The following HMGB1 variants were observed in gnomAD, a reference collection of about 807,000 sequenced individuals.
HMGB1 encodes high mobility group protein B1.
For synonymous variants in HMGB1, 81 were observed against 84.0 expected, an observed-to-expected ratio of 0.96 and a Z score of 0.19; for missense variants, 79 against 253.5, an observed-to-expected ratio of 0.31 and a Z score of 4.67.
intron 1 of HMGB1, among the ~76,000 whole-genome samples, chr13:30,573,819 T>A (rs1292476062): frequency 1.3e-5 from 2 of 152,030 alleles, no homozygotes; most frequent in Non-Finnish European, 2.9e-5. Flanking sequence ...TCCAGCTAAT[T>A]TTTTTGGTAT....
intron 1 of HMGB1, among the ~76,000 whole-genome samples, chr13:30,608,392 C>T (rs1164926565): frequency 1.3e-5 from 2 of 152,008 alleles, no homozygotes; most frequent in African/African-American, 2.4e-5. Flanking sequence ...CACAGCAACC[C>T]GATGCAAAGT....
At chr13:30,596,531 T>C (rs1871618438) in intron 1 of HMGB1, among the ~76,000 whole-genome samples, 1 of 152,148 alleles carries the variant, frequency 6.6e-6, no homozygotes, top group Non-Finnish European at 1.5e-5. Flanking sequence ...CTTAAGAAAG[T>C]GATTTATCAA....
intron 1 of HMGB1, among the ~76,000 whole-genome samples, chr13:30,572,663 C>T (rs1377436060): frequency 6.6e-6 from 1 of 152,188 alleles, no homozygotes; most frequent in Non-Finnish European, 1.5e-5. Flanking sequence ...TCCGTTGACC[C>T]TGGTGTAAGG....
At position 30,458,399 on chromosome 13, in the gene HMGB1, G is replaced by A. The variant is rs1338055545; in HGVS notation, c.*2958C>T. ...GGCTGGAGTGCAGTGGCACAATCTC[G>A]GCTCACTGCAACCTCCGCCTCCCGG... On this transcript the variant is annotated 3_prime_UTR_variant, in exon 5 of 5. Transcript: ENST00000341423. 1.4e-5 allele frequency: 2 copies of A among 143,774 alleles called. No homozygotes were observed. Among genetic ancestry groups the A allele is most frequent in the South Asian group, 2.2e-4 (1 of 4,638 alleles). The allele number at this position is 143,774 out of a possible 1,614,324, so 8.9% of individuals were successfully genotyped here.
chr13:30,535,166 C>T (rs1888584651), intron 1 of HMGB1, among the ~76,000 whole-genome samples: 1 of 152,190 alleles, frequency 6.6e-6, no homozygotes, highest in Non-Finnish European at 1.5e-5. Flanking sequence ...TCTCTTTCTG[C>T]CCTATCACAG....
At chr13:30,540,807 C>T (rs1001929688) in intron 1 of HMGB1, 3 of 152,106 alleles carry the variant, frequency 2.0e-5, no homozygotes, top group Admixed American at 6.6e-5. Flanking sequence ...TGGTCTCGAA[C>T]TCCCGACCTC....
In HMGB1 at chr13:30,460,036, AG is replaced by A. The variant is rs1251028694; in HGVS notation, c.*1320del. 2 of 152,616 alleles carry A rather than the reference AG, an allele frequency of 1.3e-5. No homozygotes were observed. Among genetic ancestry groups the A allele is most frequent in the Admixed American group, 6.5e-5 (1 of 15,282 alleles). 9.5% of individuals were successfully genotyped at this position (152,616 alleles called of 1,614,324 possible). A position where few individuals can be genotyped will look rare whatever the true frequency, so the allele number is the denominator to read the frequency against. On this transcript the variant is annotated 3_prime_UTR_variant, in exon 5 of 5. Transcript: ENST00000341423. ...GCTATTTTAAAATACTGGCACTTTAAGAAAACGATAATCTCGAAAACCACAA... is the reference window on the plus strand; with the variant it reads ...GCTATTTTAAAATACTGGCACTTTAAAAAACGATAATCTCGAAAACCACAA...
chr13:30,535,817 G>A (rs1407171153), intron 1 of HMGB1, among the ~76,000 whole-genome samples: 1 of 152,212 alleles, frequency 6.6e-6, no homozygotes, highest in Non-Finnish European at 1.5e-5. Flanking sequence ...TTGAACCCAG[G>A]AGGCAGAGGT....
chr13:30,548,950 C>T (rs558530665), intron 1 of HMGB1, among the ~76,000 whole-genome samples: 1 of 152,236 alleles, frequency 6.6e-6, no homozygotes, highest in Non-Finnish European at 1.5e-5. Flanking sequence ...GTGTGAGTTC[C>T]TTTGGGCTGC....
intron 1 of HMGB1, chr13:30,539,910 G>T: frequency 1.3e-5 from 2 of 155,816 alleles, no homozygotes; most frequent in South Asian, 3.5e-4. Context: ...ATTTCACGTT[G>T]AGTCTGTGGC....
At chr13:30,462,863 C>T in intron 3 of HMGB1, 151 bp from the exon 4 acceptor site, 1 of 671,150 alleles carries the variant, frequency 1.5e-6, no homozygotes, top group East Asian at 2.7e-5. Context: ...AAATATCCTT[C>T]ACAACCAAAG....
chr13:30,535,593 C>T (rs1215538057), intron 1 of HMGB1, among the ~76,000 whole-genome samples: 2 of 152,068 alleles, frequency 1.3e-5, no homozygotes, highest in Non-Finnish European at 2.9e-5. Flanking sequence ...AATTAATGTG[C>T]ACTTTTAAAA....
intron 1 of HMGB1, among the ~76,000 whole-genome samples, chr13:30,557,063 T>C (rs545630640): frequency 1.3e-5 from 2 of 152,346 alleles, no homozygotes; most frequent in South Asian, 4.1e-4. Flanking sequence ...AACTGTATCA[T>C]TGAATCCTTA....
intron 1 of HMGB1, among the ~76,000 whole-genome samples, chr13:30,537,693 A>G (rs1868517946): frequency 7.7e-6 from 1 of 129,508 alleles, no homozygotes; most frequent in African/African-American, 3.3e-5. Context: ...ATATATATAT[A>G]TATAAAATTG....
chr13:30,595,358 C>A (rs1487100652), intron 1 of HMGB1, among the ~76,000 whole-genome samples: 1 of 152,150 alleles, frequency 6.6e-6, no homozygotes, highest in African/African-American at 2.4e-5. Context: ...CGATCCAAGT[C>A]AACCACATTC....
chr13:30,474,111 A>G (rs1434020113), intron 1 of HMGB1, among the ~76,000 whole-genome samples: 1 of 152,222 alleles, frequency 6.6e-6, no homozygotes, highest in Admixed American at 6.5e-5. Flanking sequence ...TGCAGATTAG[A>G]TTATAGTAAT....
chr13:30,602,030 C>G (rs979988003), intron 1 of HMGB1, among the ~76,000 whole-genome samples: 2 of 152,090 alleles, frequency 1.3e-5, no homozygotes, highest in African/African-American at 4.8e-5. Flanking sequence ...GGGGGGTGAA[C>G]AGGACGTGCA....
intron 1 of HMGB1, among the ~76,000 whole-genome samples, chr13:30,488,669 A>T (rs1887418461): frequency 1.4e-5 from 2 of 144,146 alleles, no homozygotes; most frequent in Admixed American, 1.4e-4. Context: ...TATTATTATT[A>T]TTATTATTAT....
At chr13:30,546,122 G>T (rs927369897) in intron 1 of HMGB1, among the ~76,000 whole-genome samples, 3 of 152,042 alleles carry the variant, frequency 2.0e-5, no homozygotes, top group Middle Eastern at 3.4e-3. Context: ...CTCACGTTTT[G>T]TTTGTTTGTT....
Sources: allele counts gnomAD v4.1 joint callset (sites outside exome capture counted in the v4.1 genomes callset), GRCh38; gene constraint gnomAD v4.1.1; transcripts MANE v1.5; gene names NCBI Gene and HGNC (gene_info 2026-07-23, HGNC 2026-07-21).